SIAE: variants seen among roughly 807,000 people sequenced by gnomAD.
SIAE encodes sialic acid acetylesterase.
In SIAE, 39 loss-of-function variants were observed where a neutral mutation model predicts 52.6. The ratio of observed to expected loss-of-function variants is 0.74; its 90% CI spans 0.57 to 0.97. The LOEUF (loss-of-function observed/expected upper bound fraction) is 0.97. SIAE is among the 50% of genes least tolerant of loss of function. SIAE has a pLI of 0.00. For missense variants in SIAE, 592 were observed against 662.1 expected (o/e 0.89, Z 1.16); for synonymous variants, 233 against 241.4 (o/e 0.97, Z 0.32).
rs750443818 is a variant in SIAE at position 124,673,712 on chromosome 11, T to C, written c.-4A>G. On this transcript the variant is annotated 5_prime_UTR_variant, in exon 1 of 10. Coordinates refer to ENST00000263593, the MANE Select transcript of SIAE (RefSeq NM_170601.5). ...GTACAAGCCCCGGCGCGACCATGCT[T>C]GCAAGGATCTGACCGCCGCCTAGGA... 6 of 1,613,266 alleles carry C rather than the reference T, an allele frequency of 3.7e-6. No homozygotes were observed. Among genetic ancestry groups the C allele is most frequent in the Non-Finnish European group, 5.1e-6 (6 of 1,179,712 alleles).
intron 4 of SIAE, among the ~76,000 whole-genome samples, chr11:124,650,225 C>T (rs1388502115): frequency 6.6e-6 from 1 of 152,116 alleles, no homozygotes; most frequent in African/African-American, 2.4e-5. Flanking sequence ...AAAACTCTGG[C>T]TAGGCAATAG....
chr11:124,654,529 A>G (rs1943066658), intron 4 of SIAE, 126 bp downstream of exon 4: 2 of 1,596,140 alleles, frequency 1.3e-6, no homozygotes, highest in Non-Finnish European at 1.7e-6. Context: ...TGAAGAGTCA[A>G]TAAGAAAGGA....
intron 4 of SIAE, 106 bp downstream of exon 4, chr11:124,654,549 A>T (rs182945431): frequency 6.2e-7 from 1 of 1,606,674 alleles, no homozygotes; most frequent in African/African-American, 1.3e-5. Flanking sequence ...AATAAAAGGC[A>T]TGAGTAATAA....
rs1409734966 is a variant in SIAE at position 124,633,365 on chromosome 11, A to C, written c.*3586T>G. 1 of 152,176 alleles carries C rather than the reference A, an allele frequency of 6.6e-6. No homozygotes were observed. The highest frequency in any genetic ancestry group is 1.5e-5 in the Non-Finnish European group (1 of 68,046). 9.4% of individuals were successfully genotyped at this position (152,176 alleles called of 1,614,324 possible). ...CTCTATCACCTAACACCTCAACACT[A>C]CCTGTGGGATGCCTTAGTTACCCAG... On this transcript the variant is annotated 3_prime_UTR_variant, in exon 10 of 10. Coordinates refer to ENST00000263593, the MANE Select transcript of SIAE (RefSeq NM_170601.5).
At chr11:124,665,405 T>G (rs1437830878) in intron 2 of SIAE, among the ~76,000 whole-genome samples, 2 of 152,150 alleles carry the variant, frequency 1.3e-5, no homozygotes, top group Non-Finnish European at 2.9e-5. Flanking sequence ...ACAGCAGAGG[T>G]GCTGCCATGA....
In SIAE at chr11:124,637,201, A is replaced by T. The variant is rs755230410; in HGVS notation, c.1322T>A (p.Ile441Asn). The change falls in exon 10 of 10, where the codon ATC becomes AAC. Residue 441 changes from isoleucine to asparagine, a missense_variant and splice_region_variant. Transcript: ENST00000263593. Reference protein sequence around the residue: ...VQKKDNKIFEISCCSDHRCKW... With the variant: ...VQKKDNKIFENSCCSDHRCKW... ...GCATCGATGGTCACTGCAACAGGAGATCTAATAAGAGAGCCATAAAATAGG... is the reference window on the plus strand; with the variant it reads ...GCATCGATGGTCACTGCAACAGGAGTTCTAATAAGAGAGCCATAAAATAGG... 6 of 1,614,098 alleles carry T rather than the reference A, an allele frequency of 3.7e-6. No individual in the cohort carries two copies. The highest frequency in any genetic ancestry group is 5.1e-6 in the Non-Finnish European group (6 of 1,180,020).
At chr11:124,675,155 C>T (rs1943444280), upstream of SIAE, 3 of 1,359,994 alleles carry the variant, frequency 2.2e-6, no homozygotes, top group African/African-American at 4.4e-5. Context: ...GTATGAGTCT[C>T]AGAAATAATT....
rs1273335067 is a variant in SIAE, at chr11:124,670,905, C to A, written c.68-1384G>T. On this transcript the variant is annotated intron_variant, in intron 1 of 9. Transcript: ENST00000263593. This position sits in a 1 kb window ranked among gnomAD's most constrained non-coding sequence, Gnocchi z 4.5. ...ATTGCATAAGCAGGTTGGCAGCCTG[C>A]TGGAGGGAAGGGGGAGGCACATGTG... 6.6e-6 allele frequency among the ~76,000 whole-genome samples: 1 copy of A among 152,124 alleles called. No homozygotes were observed. Among genetic ancestry groups the A allele is most frequent in the Non-Finnish European group, 1.5e-5 (1 of 68,032 alleles).
chr11:124,634,805 G>A lies in SIAE; in HGVS notation c.*2146C>T, dbSNP rs1467813665. 3 of 152,136 alleles carry A rather than the reference G, an allele frequency of 2.0e-5. No homozygotes were observed. Among genetic ancestry groups the A allele is most frequent in the Non-Finnish European group, 2.9e-5 (2 of 68,038 alleles). 9.4% of individuals were successfully genotyped at this position (152,136 alleles called of 1,614,324 possible). ...CACAGATTACAAAATAATATGTACT[G>A]TATAAAATTATATAACTCAAGTCAA... On this transcript the variant is annotated 3_prime_UTR_variant, in exon 10 of 10. Coordinates refer to ENST00000263593, the MANE Select transcript of SIAE (RefSeq NM_170601.5).
intron 2 of SIAE, among the ~76,000 whole-genome samples, chr11:124,667,615 T>C (rs556426114): frequency 6.6e-6 from 1 of 152,250 alleles, no homozygotes; most frequent in African/African-American, 2.4e-5. Flanking sequence ...CTGTCACATA[T>C]ATATGCTAGC....
chr11:124,672,800 A>C (rs1212454950), intron 1 of SIAE, among the ~76,000 whole-genome samples: 1 of 152,194 alleles, frequency 6.6e-6, no homozygotes, highest in Non-Finnish European at 1.5e-5. Context: ...GCTCTCAGGT[A>C]GAGCAGGAGT....
chr11:124,638,631 TCTC>T lies in SIAE; in HGVS notation c.1228_1230del (p.Glu410del), dbSNP rs1489618287. 2 of 1,614,158 alleles carry T rather than the reference TCTC, an allele frequency of 1.2e-6. No individual in the cohort carries two copies. The highest frequency in any genetic ancestry group is 4.5e-5 in the East Asian group (2 of 44,888). On this transcript the variant is annotated inframe_deletion, in exon 9 of 10. Transcript: ENST00000263593. ...CCCTTGTGAGCCAAGAGTTCTATCT[TCTC>T]AGGCAGTGGTCCTTCAAAGGTCAAA... is the stretch of plus-strand genomic sequence containing the variant.
At chr11:124,660,376 A>G (rs1165365671) in intron 3 of SIAE, 1 of 506,134 alleles carries the variant, frequency 2.0e-6, no homozygotes, top group Non-Finnish European at 3.7e-6. Context: ...AGAAAACAAT[A>G]CTCCTTCTAA....
rs1190405559 is a variant in SIAE, at chr11:124,648,801, G to A, written c.723-626C>T. Among the ~76,000 whole-genome samples the A allele has an allele frequency of 4.6e-5, 7 of 152,204 alleles. No individual in the cohort carries two copies. The South Asian group carries it at 1.5e-3, about 32-fold the overall frequency. On this transcript the variant is annotated intron_variant, in intron 5 of 9. Coordinates refer to ENST00000263593, the MANE Select transcript of SIAE (RefSeq NM_170601.5). ...TATCCCTTCCACCCCCAGAGATCTGGTCTAACGCTCACTCCTACTCTACTG... is the reference window on the plus strand; with the variant it reads ...TATCCCTTCCACCCCCAGAGATCTGATCTAACGCTCACTCCTACTCTACTG...
rs972604088 is a variant in SIAE at position 124,637,180 on chromosome 11, C to T, written c.1343G>A (p.Arg448Gln). Reference protein sequence around the residue: ...IFEISCCSDHRCKWLPASMNT... With the variant: ...IFEISCCSDHQCKWLPASMNT... ...CATAGAAGCTGGAAGCCACTTGCATCGATGGTCACTGCAACAGGAGATCTA... is the reference window on the plus strand; with the variant it reads ...CATAGAAGCTGGAAGCCACTTGCATTGATGGTCACTGCAACAGGAGATCTA... The change falls in exon 10 of 10, where the codon CGA becomes CAA. Residue 448 changes from arginine (R) to glutamine (Q), a missense_variant. By Grantham distance (43) the Arg-to-Gln change is conservative. Transcript: ENST00000263593. 7 of 1,613,970 alleles carry T rather than the reference C, an allele frequency of 4.3e-6. No individual in the cohort carries two copies. The highest frequency in any genetic ancestry group is 1.3e-5 in the African/African-American group (1 of 74,874).
At chr11:124,666,766 T>A (rs1943278453) in intron 2 of SIAE, among the ~76,000 whole-genome samples, 1 of 152,242 alleles carries the variant, frequency 6.6e-6, no homozygotes, top group Non-Finnish European at 1.5e-5. Flanking sequence ...ACTATTTGTA[T>A]TCTTCTTTAT....
chr11:124,642,810 T>C (rs1942869610), intron 7 of SIAE, among the ~76,000 whole-genome samples: 2 of 151,862 alleles, frequency 1.3e-5, no homozygotes, highest in Non-Finnish European at 2.9e-5. Flanking sequence ...AAAGGGAGAG[T>C]ATCATGGTGA....
chr11:124,649,086 T>C (rs1046592509), intron 5 of SIAE, among the ~76,000 whole-genome samples: 1 of 152,228 alleles, frequency 6.6e-6, no homozygotes, highest in Admixed American at 6.5e-5. Flanking sequence ...ATAATCAGTA[T>C]ACTGATACAT....
rs1252548100 is a variant in SIAE, at chr11:124,647,404, C to A, written c.927G>T (p.Gln309His). The A allele has an allele frequency of 1.2e-6, 2 of 1,614,126 alleles. No individual in the cohort carries two copies. Among genetic ancestry groups the A allele is most frequent in the African/African-American group, 1.3e-5 (1 of 74,946 alleles). Residue 309 changes from glutamine (Q) to histidine (H), a missense_variant, in exon 7 of 10, where the codon CAG (glutamine) becomes CAT (histidine). Transcript: ENST00000263593. Reference protein sequence around the residue: ...DWRETFHRGSQGQTERFFPFG... With the variant: ...DWRETFHRGSHGQTERFFPFG... ...ATGGGAAGAAACGCTCCGTCTGCCCCTGGGAACCACGGTGGAAGGTTTCAC... is the reference window on the plus strand; with the variant it reads ...ATGGGAAGAAACGCTCCGTCTGCCCATGGGAACCACGGTGGAAGGTTTCAC...
Sources: gnomAD v4.1 joint callset for allele counts (sites outside exome capture counted in the v4.1 genomes callset) on GRCh38, gnomAD v4.1.1 for gene constraint, Gnocchi (gnomAD v3.1) non-coding constraint, MANE v1.5 for transcripts, NCBI Gene and HGNC (gene_info 2026-07-23, HGNC 2026-07-21) for gene names.